Variants in FBXL16 observed in about 807,000 individuals in gnomAD.
FBXL16 encodes F-box and leucine rich repeat protein 16.
Under a neutral mutation model 36.7 loss-of-function variants are expected in FBXL16, and 7 were observed. That is an observed-to-expected ratio of 0.19 (90% CI 0.11 to 0.36). FBXL16 has a LOEUF of 0.36. Among genes scored for constraint, FBXL16 ranks in the 10% least tolerant of loss-of-function variants. FBXL16 has a pLI of 1.00. For synonymous variants in FBXL16, 355 were observed against 308.7 expected (o/e 1.15, Z -1.57); for missense variants, 463 against 659.4 (o/e 0.70, Z 3.26).
chr16:699,521 C>T (rs2040040588), intron 1 of FBXL16, among the ~76,000 whole-genome samples: 1 of 152,212 alleles, frequency 6.6e-6, no homozygotes, highest in African/African-American at 2.4e-5. Context: ...GCCTCAATTT[C>T]CTCACCTTGA....
At position 693,916 on chromosome 16, in the gene FBXL16, C is replaced by G. The variant is rs1055221430; in HGVS notation, c.*359G>C. 2.5e-5 allele frequency: 4 copies of G among 160,436 alleles called. No homozygotes were observed. Among genetic ancestry groups the G allele is most frequent in the East Asian group, 1.8e-4 (1 of 5,406 alleles). The allele number at this position is 160,436 out of a possible 1,614,324, so 9.9% of individuals were successfully genotyped here. A position where few individuals can be genotyped will look rare whatever the true frequency, so the allele number is the denominator to read the frequency against. ...CACAGTCTGGAGAGCTCAAAGCCCC[C>G]CCAAGGACCGAGCCCCGCCCCCCAA... On this transcript the variant is annotated 3_prime_UTR_variant, in exon 6 of 6. Transcript: ENST00000397621.
At chr16:700,980 C>A (rs1228388948) in intron 1 of FBXL16, among the ~76,000 whole-genome samples, 1 of 152,180 alleles carries the variant, frequency 6.6e-6, no homozygotes, top group African/African-American at 2.4e-5. Context: ...GCGGGGGCGG[C>A]GCCAGGGGAG....
At chr16:695,359 G>T in intron 3 of FBXL16, 56 bp downstream of exon 3, 1 of 1,158,420 alleles carries the variant, frequency 8.6e-7, no homozygotes. Flanking sequence ...GCCCCGCCCC[G>T]CCCCGTGCAG....
intron 2 of FBXL16, 128 bp from the exon 3 acceptor site, chr16:696,051 G>A (rs1015568524): frequency 1.5e-6 from 2 of 1,363,452 alleles, no homozygotes; most frequent in Non-Finnish European, 1.9e-6. Context: ...GAGGAGGCGG[G>A]GCATCGGGAC....
At position 694,264 on chromosome 16, in the gene FBXL16, G is replaced by A. The variant is rs771986831; in HGVS notation, c.*11C>T. 1.5e-6 allele frequency: 2 copies of A among 1,365,396 alleles called. No individual in the cohort carries two copies. Among genetic ancestry groups the A allele is most frequent in the South Asian group, 4.2e-5 (2 of 47,498 alleles). 84.6% of individuals were successfully genotyped at this position (1,365,396 alleles called of 1,614,324 possible). On this transcript the variant is annotated 3_prime_UTR_variant, in exon 6 of 6. Transcript: ENST00000397621. ...TGGCCGGGTTCCCGCGACCGGGGCG[G>A]GGGCCTCGCGCTACTCAATGACGAG...
In FBXL16 at chr16:698,747, C is replaced by A. The variant is rs149352031; in HGVS notation, c.-14-1328G>T. On this transcript the variant is annotated intron_variant, in intron 1 of 5. Transcript: ENST00000397621. ...TGGCCAACATGGTGAAACCCCTTCTCTACTAAAAATACAAAAATTAGCCGG... is the reference window on the plus strand; with the variant it reads ...TGGCCAACATGGTGAAACCCCTTCTATACTAAAAATACAAAAATTAGCCGG... Among the ~76,000 whole-genome samples, 760 of 152,010 alleles carry A rather than the reference C, an allele frequency of 5.0e-3. 8 individuals carry two copies. Among genetic ancestry groups the A allele is most frequent in the African/African-American group, 0.017 (724 of 41,468 alleles).
intron 1 of FBXL16, among the ~76,000 whole-genome samples, chr16:702,749 T>C (rs1225947702): frequency 1.3e-5 from 2 of 152,162 alleles, no homozygotes; most frequent in Non-Finnish European, 2.9e-5. Flanking sequence ...CCTGAGTCAC[T>C]GAGAGGGCTC....
At position 692,606 on chromosome 16, in the gene FBXL16, G is replaced by A. The variant is rs1294514538; in HGVS notation, c.*1669C>T. The A allele has an allele frequency of 6.6e-6, 1 of 152,500 alleles. No individual in the cohort carries two copies. Among genetic ancestry groups the A allele is most frequent in the Non-Finnish European group, 1.5e-5 (1 of 68,044 alleles). The allele number at this position is 152,500 out of a possible 1,614,324, so 9.4% of individuals were successfully genotyped here. ...GGTTATATCTTCCGCATATACAGGA[G>A]AATGAGGTCGTTATGTACAATAAGA... is the stretch of plus-strand genomic sequence containing the variant. On this transcript the variant is annotated 3_prime_UTR_variant, in exon 6 of 6. Coordinates refer to ENST00000397621, the MANE Select transcript of FBXL16 (RefSeq NM_153350.4).
Position 693,245 on chromosome 16 carries a change from G to C in FBXL16, c.*1030C>G, listed in dbSNP as rs2039984407. 6.6e-6 allele frequency: 1 copy of C among 152,310 alleles called. No homozygotes were observed. The highest frequency in any genetic ancestry group is 1.5e-5 in the Non-Finnish European group (1 of 68,128). 9.4% of individuals were successfully genotyped at this position (152,310 alleles called of 1,614,324 possible). ...GGTGTCTAGGGTGTGCTGGCCACTGGAAGATTGGAGTCGCTGACCCAGTGC... is the reference window on the plus strand; with the variant it reads ...GGTGTCTAGGGTGTGCTGGCCACTGCAAGATTGGAGTCGCTGACCCAGTGC... On this transcript the variant is annotated 3_prime_UTR_variant, in exon 6 of 6. Coordinates refer to ENST00000397621, the MANE Select transcript of FBXL16 (RefSeq NM_153350.4).
intron 1 of FBXL16, among the ~76,000 whole-genome samples, chr16:702,878 C>T (rs1470103587): frequency 2.6e-5 from 4 of 152,328 alleles, no homozygotes; most frequent in East Asian, 1.9e-4. Context: ...AGTGGCTGCC[C>T]GTCCTCCACC....
chr16:702,122 A>G (rs1043331398), intron 1 of FBXL16, among the ~76,000 whole-genome samples: 7 of 152,118 alleles, frequency 4.6e-5, no homozygotes, highest in African/African-American at 1.7e-4. Context: ...CCAGACGGCC[A>G]TGTGGGGGCC....
chr16:704,029 C>T (rs1168476057), intron 1 of FBXL16, among the ~76,000 whole-genome samples: 1 of 152,234 alleles, frequency 6.6e-6, no homozygotes, highest in East Asian at 1.9e-4. Flanking sequence ...TCCTGCACCA[C>T]TGGTGGGGAA....
At chr16:695,259 G>T in intron 3 of FBXL16, 156 bp downstream of exon 3, 2 of 1,176,896 alleles carry the variant, frequency 1.7e-6, no homozygotes, top group Non-Finnish European at 2.3e-6. Flanking sequence ...CGGTTCTGCG[G>T]TTCCCACTCC....
Position 694,680 on chromosome 16 carries a change from C to T in FBXL16, c.1245G>A (p.Leu415=), listed in dbSNP as rs1023971226. ...AACTCCCCAGGGCCAGGAGGTGCTTCAGCCCGAAGTCTTGCACCTGTCGGG... is the reference window on the plus strand; with the variant it reads ...AACTCCCCAGGGCCAGGAGGTGCTTTAGCCCGAAGTCTTGCACCTGTCGGG... ...RWCCQVQDFG[L]KHLLALGSLR... is the part of the protein sequence containing the mutation. Residue 415 remains leucine, a synonymous_variant, in exon 5 of 6, where the codon CTG becomes CTA. Transcript: ENST00000397621. The T allele has an allele frequency of 1.2e-6, 2 of 1,608,448 alleles. No individual in the cohort carries two copies. Among genetic ancestry groups the T allele is most frequent in the African/African-American group, 1.3e-5 (1 of 74,978 alleles).
In FBXL16 at chr16:695,746, C is replaced by T. The variant is rs866391028; in HGVS notation, c.811G>A (p.Ala271Thr). ...AAISQLLPNL[A>T]ELSLQAYHVT... ...TGGTAGGCCTGCAGGCTCAGCTCCG[C>T]CAGGTTGGGCAGCAGCTGCGAGATG... Residue 271 changes from alanine to threonine, a missense_variant, in exon 3 of 6, where the codon GCG becomes ACG. Physicochemically the swap from Ala to Thr is moderately conservative, Grantham distance 58. Around this residue, in one of 3 missense-constraint regions of FBXL16, gnomAD observed 66 missense variants for 146.3 expected, o/e 0.45. Coordinates refer to ENST00000397621, the MANE Select transcript of FBXL16 (RefSeq NM_153350.4). The T allele has an allele frequency of 6.2e-7, 1 of 1,603,256 alleles. No homozygotes were observed.
At chr16:694,938 C>A in intron 4 of FBXL16, 54 bp downstream of exon 4, 1 of 1,473,776 alleles carries the variant, frequency 6.8e-7, no homozygotes, top group South Asian at 1.4e-5. Flanking sequence ...GGAGCTCTCC[C>A]CGCGCCCCCA....
chr16:695,986 G>A, intron 2 of FBXL16, 63 bp from the exon 3 acceptor site: 1 of 1,516,216 alleles, frequency 6.6e-7, no homozygotes, highest in Non-Finnish European at 8.8e-7. Context: ...CAGGGAGGAA[G>A]CAGTAGGGTG....
chr16:694,708 T>G lies in FBXL16; in HGVS notation c.1228-11A>C, dbSNP rs2039997429. On this transcript the variant is annotated splice_polypyrimidine_tract_variant and intron_variant, in intron 4 of 5. Transcript: ENST00000397621. ...CCCGAAGTCTTGCACCTGTCGGGAG[T>G]GGAGGAGCGACTTAACGATTTCCGC... 2 of 1,598,426 alleles carry G rather than the reference T, an allele frequency of 1.3e-6. No individual in the cohort carries two copies. The highest frequency in any genetic ancestry group is 4.5e-5 in the East Asian group (2 of 44,328).
Position 692,821 on chromosome 16 carries a change from T to C in FBXL16, c.*1454A>G, listed in dbSNP as rs2039980660. On this transcript the variant is annotated 3_prime_UTR_variant, in exon 6 of 6. Coordinates refer to ENST00000397621, the MANE Select transcript of FBXL16 (RefSeq NM_153350.4). ...CTCCTGACCACTCAGCCCTGGAGCT[T>C]CCTGGGGCTGGCACTCCAGGGACAG... 1 of 152,408 alleles carries C rather than the reference T, an allele frequency of 6.6e-6. No homozygotes were observed. The highest frequency in any genetic ancestry group is 2.4e-5 in the African/African-American group (1 of 41,454). The allele number at this position is 152,408 out of a possible 1,614,324, so 9.4% of individuals were successfully genotyped here. A position where few individuals can be genotyped will look rare whatever the true frequency, so the allele number is the denominator to read the frequency against.
Sources: allele counts gnomAD v4.1 joint callset (sites outside exome capture counted in the v4.1 genomes callset), GRCh38; gene constraint gnomAD v4.1.1; regional missense constraint gnomAD v4.1.1; transcripts MANE v1.5; gene names NCBI Gene and HGNC (gene_info 2026-07-23, HGNC 2026-07-21).